Variants in XKR9 observed in about 807,000 individuals in gnomAD.
The protein encoded by XKR9 is XK related 9, also known as XK-related protein 9.
A neutral mutation model predicts 32.0 loss-of-function variants in XKR9; 32 were observed. The observed-to-expected ratio is 1.00, with a 90% CI of 0.76 to 1.34. XKR9 has a LOEUF of 1.34. XKR9 is among the 40% of genes most tolerant of loss of function. The pLI, the probability that XKR9 is intolerant of heterozygous loss-of-function variation, is 0.00. For missense variants in XKR9, 546 were observed against 429.7 expected (o/e 1.27, Z -2.39); for synonymous variants, 168 against 143.4 (o/e 1.17, Z -1.22).
At chr8:70,708,922 C>G (rs1242968845) in intron 4 of XKR9, among the ~76,000 whole-genome samples, 1 of 151,850 alleles carries the variant, frequency 6.6e-6, no homozygotes, top group Non-Finnish European at 1.5e-5. Context: ...AAAATTGAGG[C>G]AGGAATCTTC....
chr8:70,963,740 A>G, the XKR9 span, among the ~76,000 whole-genome samples: 1 of 152,148 alleles, frequency 6.6e-6, no homozygotes, highest in Admixed American at 6.6e-5. Flanking sequence ...TTTTTAAAAT[A>G]TATTTGTTGG....
the XKR9 span, among the ~76,000 whole-genome samples, chr8:71,019,575 C>A: frequency 6.6e-6 from 1 of 152,158 alleles, no homozygotes; most frequent in Non-Finnish European, 1.5e-5. Flanking sequence ...TTTAGGAGAA[C>A]ACAGGTTGGT....
At chr8:70,732,397 C>A (rs111397601) in intron 4 of XKR9, among the ~76,000 whole-genome samples, 1 of 152,204 alleles carries the variant, frequency 6.6e-6, no homozygotes, top group Non-Finnish European at 1.5e-5. Context: ...ATTGGGTGGG[C>A]AGCACCCTGC....
the XKR9 span, among the ~76,000 whole-genome samples, chr8:71,003,923 GCA>G: frequency 6.6e-6 from 1 of 152,170 alleles, no homozygotes. Context: ...CTCAGAGAGA[GCA>G]TGAGCTTTGT....
the XKR9 span, among the ~76,000 whole-genome samples, chr8:71,024,518 A>G: frequency 9.9e-5 from 15 of 152,142 alleles, no homozygotes; most frequent in African/African-American, 3.6e-4. Flanking sequence ...GGCTCTTAAA[A>G]TGGCACCATT....
At chr8:70,701,971 A>G (rs567561540) in intron 3 of XKR9, among the ~76,000 whole-genome samples, 33 of 152,302 alleles carry the variant, frequency 2.2e-4, no homozygotes, top group African/African-American at 7.9e-4. Flanking sequence ...AAATGTGGAA[A>G]TGGCTTTTGC....
chr8:71,018,450 A>T, the XKR9 span, among the ~76,000 whole-genome samples: 1 of 152,242 alleles, frequency 6.6e-6, no homozygotes, highest in African/African-American at 2.4e-5. Context: ...ATAAGTTCTG[A>T]AATACATGTC....
chr8:70,823,579 T>C, the XKR9 span, among the ~76,000 whole-genome samples: 1 of 152,228 alleles, frequency 6.6e-6, no homozygotes, highest in East Asian at 1.9e-4. Flanking sequence ...ATACAATTTA[T>C]CTTCAAGAAT....
downstream of XKR9, among the ~76,000 whole-genome samples, chr8:70,738,675 G>T (rs979904254): frequency 7.9e-5 from 12 of 151,924 alleles, no homozygotes; most frequent in African/African-American, 2.7e-4. Context: ...TTGTGTCTTT[G>T]TTCTCGTTGG....
the XKR9 span, among the ~76,000 whole-genome samples, chr8:70,824,659 A>AT: frequency 1.3e-5 from 2 of 151,992 alleles, no homozygotes; most frequent in South Asian, 2.1e-4. Context: ...CAGAAGTTAC[A>AT]TTTTTTCTCT....
At chr8:70,898,680 A>C in the XKR9 span, among the ~76,000 whole-genome samples, 1 of 152,168 alleles carries the variant, frequency 6.6e-6, no homozygotes, top group Non-Finnish European at 1.5e-5. Context: ...TTATGGTTCA[A>C]GAACATACTT....
chr8:70,729,495 A>T (rs576373744), intron 4 of XKR9, among the ~76,000 whole-genome samples: 1 of 152,212 alleles, frequency 6.6e-6, no homozygotes, highest in South Asian at 2.1e-4. Flanking sequence ...TTTTCTCTTT[A>T]TTCTAATGTC....
the XKR9 span, among the ~76,000 whole-genome samples, chr8:70,897,344 G>A: frequency 3.3e-5 from 5 of 152,090 alleles, no homozygotes; most frequent in African/African-American, 7.2e-5. Context: ...TGCAATTAAC[G>A]CAGGAGTGCA....
At chr8:70,887,334 T>C in the XKR9 span, among the ~76,000 whole-genome samples, 2 of 152,214 alleles carry the variant, frequency 1.3e-5, no homozygotes, top group African/African-American at 4.8e-5. Context: ...AGTCTTGTAG[T>C]GCAGTTTGAA....
chr8:70,903,403 A>T, the XKR9 span, among the ~76,000 whole-genome samples: 1 of 152,118 alleles, frequency 6.6e-6, no homozygotes, highest in East Asian at 1.9e-4. Flanking sequence ...CATTTCTTCT[A>T]GATTTTCTAG....
chr8:70,775,913 T>C (rs1043000043), intron 2 of XKR9, among the ~76,000 whole-genome samples: 13 of 151,962 alleles, frequency 8.6e-5, no homozygotes, highest in African/African-American at 3.1e-4. Flanking sequence ...TTCGGTTAAG[T>C]TTTAAATTTT....
At chr8:70,828,730 GA>G in the XKR9 span, among the ~76,000 whole-genome samples, 50,683 of 119,662 alleles carry the variant, frequency 0.42, 9,673 homozygotes, top group Non-Finnish European at 0.53. Context: ...CAAAAAAAAA[GA>G]AAAAAAAAAA....
chr8:70,725,778 C>T (rs573082985), intron 4 of XKR9, among the ~76,000 whole-genome samples: 6 of 151,958 alleles, frequency 3.9e-5, no homozygotes, highest in African/African-American at 1.2e-4. Context: ...TGGTAGTGGT[C>T]GCCTGTAATA....
At chr8:70,870,244 AT>A in the XKR9 span, among the ~76,000 whole-genome samples, 3 of 152,208 alleles carry the variant, frequency 2.0e-5, no homozygotes, top group Admixed American at 2.0e-4. Flanking sequence ...TTTATTAATA[AT>A]TTGTATTGAA....
Sources: gnomAD v4.1 joint callset for allele counts (sites outside exome capture counted in the v4.1 genomes callset) on GRCh38, gnomAD v4.1.1 for gene constraint, MANE v1.5 for transcripts, NCBI Gene and HGNC (gene_info 2026-07-23, HGNC 2026-07-21) for gene names.